VMP1: variants seen among roughly 807,000 people sequenced by gnomAD.
The protein encoded by VMP1 is vacuole membrane protein 1.
Under a neutral mutation model 56.0 loss-of-function variants are expected in VMP1, and 11 were observed. That is an observed-to-expected ratio of 0.20 (90% CI 0.12 to 0.32). VMP1 has a LOEUF of 0.32. Ranked by LOEUF, VMP1 falls within the 10% of genes least tolerant of loss-of-function variation. The probability of loss-of-function intolerance (pLI) is 1.00; values close to 1 mark genes in which losing one functional copy is unlikely to be tolerated. For missense variants in VMP1, 296 were observed against 490.3 expected (o/e 0.60, Z 3.74); for synonymous variants, 149 against 165.0 (o/e 0.90, Z 0.74).
At chr17:59,750,894 T>C (rs2035614490) in intron 5 of VMP1, among the ~76,000 whole-genome samples, 1 of 151,772 alleles carries the variant, frequency 6.6e-6, no homozygotes, top group African/African-American at 2.4e-5. Flanking sequence ...CAAAGAAGCT[T>C]CTGGGGCTGG....
intron 1 of VMP1, among the ~76,000 whole-genome samples, chr17:59,719,363 A>T (rs1243850638): frequency 6.6e-6 from 1 of 152,104 alleles, no homozygotes; most frequent in Non-Finnish European, 1.5e-5. Flanking sequence ...GAAAGCAAGA[A>T]AGGTTACTGA....
chr17:59,756,316 A>G (rs2035841535), intron 5 of VMP1, among the ~76,000 whole-genome samples: 1 of 152,162 alleles, frequency 6.6e-6, no homozygotes, highest in African/African-American at 2.4e-5. Flanking sequence ...ACCATTTTTC[A>G]TCTTTTTTTG....
chr17:59,733,107 G>C (rs906666915), intron 2 of VMP1, among the ~76,000 whole-genome samples: 1 of 151,966 alleles, frequency 6.6e-6, no homozygotes, highest in African/African-American at 2.4e-5. Context: ...TGAGAGTATC[G>C]ATTTAGCCCA....
intron 7 of VMP1, among the ~76,000 whole-genome samples, chr17:59,801,104 A>G (rs1268473077): frequency 3.1e-5 from 4 of 129,304 alleles, no homozygotes; most frequent in African/African-American, 1.5e-4. Context: ...ATATATATAT[A>G]TATATATATG....
intron 7 of VMP1, among the ~76,000 whole-genome samples, chr17:59,789,061 A>T (rs2665399): frequency 1.3e-5 from 2 of 150,536 alleles, no homozygotes; most frequent in African/African-American, 4.9e-5. Context: ...GAGGCCGAGG[A>T]GGGTGGATCA....
intron 7 of VMP1, among the ~76,000 whole-genome samples, chr17:59,781,211 C>A (rs1438607699): frequency 6.6e-6 from 1 of 152,098 alleles, no homozygotes; most frequent in Non-Finnish European, 1.5e-5. Flanking sequence ...TGCTTTCAAT[C>A]ATGAATTTGT....
At chr17:59,827,578 G>A (rs1254916347) in intron 10 of VMP1, among the ~76,000 whole-genome samples, 1 of 152,044 alleles carries the variant, frequency 6.6e-6, no homozygotes, top group African/African-American at 2.4e-5. Flanking sequence ...CAAAGTGCTG[G>A]GATTACAGGC....
At chr17:59,833,705 G>A (rs933724127) in intron 10 of VMP1, among the ~76,000 whole-genome samples, 1 of 152,122 alleles carries the variant, frequency 6.6e-6, no homozygotes, top group Non-Finnish European at 1.5e-5. Context: ...ATCAGCTAAA[G>A]TGTATCTCTT....
chr17:59,708,302 T>A (rs1598267260), intron 1 of VMP1, among the ~76,000 whole-genome samples: 1 of 152,206 alleles, frequency 6.6e-6, no homozygotes, highest in East Asian at 1.9e-4. Flanking sequence ...GATTTTTCAC[T>A]GCTTTAATGA....
At chr17:59,811,092 C>T (rs146720699) in intron 8 of VMP1, among the ~76,000 whole-genome samples, 110 of 152,126 alleles carry the variant, frequency 7.2e-4, no homozygotes, top group African/African-American at 2.3e-3. Context: ...CTTGGTCTCT[C>T]GTAAAATAAA....
chr17:59,839,801 T>C lies in VMP1; in HGVS notation c.1111T>C (p.Leu371=), dbSNP rs1481555327. Residue 371 remains leucine, a synonymous_variant, in exon 12 of 12, where the codon TTG becomes CTG. Transcript: ENST00000262291. The part of the protein sequence containing the change: ...ENWLSWMFEK[L]VVVMVCYFIL... ...CTGGTTGTCCTGGATGTTTGAAAAG[T>C]TGGTCGTTGTCATGGTGTGTTACTT... is the stretch of plus-strand genomic sequence containing the variant. The C allele has an allele frequency of 6.2e-6, 10 of 1,613,000 alleles. No homozygotes were observed. Among genetic ancestry groups the C allele is most frequent in the Non-Finnish European group, 7.6e-6 (9 of 1,179,814 alleles).
At chr17:59,797,828 A>C (rs2037498074) in intron 7 of VMP1, among the ~76,000 whole-genome samples, 1 of 152,244 alleles carries the variant, frequency 6.6e-6, no homozygotes. Flanking sequence ...GCAGTGAGCT[A>C]AGATCGCACC....
At chr17:59,759,109 A>G (rs1282345457) in intron 5 of VMP1, among the ~76,000 whole-genome samples, 1 of 152,144 alleles carries the variant, frequency 6.6e-6, no homozygotes, top group East Asian at 1.9e-4. Context: ...CAACAAAATT[A>G]GTTGGTTGTG....
intron 7 of VMP1, among the ~76,000 whole-genome samples, chr17:59,778,972 C>G (rs2144061168): frequency 6.6e-6 from 1 of 152,316 alleles, no homozygotes; most frequent in South Asian, 2.1e-4. Flanking sequence ...GGGTAAACGT[C>G]CATACTCTGC....
intron 5 of VMP1, among the ~76,000 whole-genome samples, chr17:59,747,439 T>G (rs1445060505): frequency 6.7e-6 from 1 of 148,918 alleles, no homozygotes; most frequent in Non-Finnish European, 1.5e-5. Flanking sequence ...AGATGGAATC[T>G]CACTCTGTTG....
chr17:59,724,532 C>A (rs564079918), intron 1 of VMP1, among the ~76,000 whole-genome samples: 2 of 151,996 alleles, frequency 1.3e-5, no homozygotes, highest in South Asian at 2.1e-4. Context: ...ATTAGCCTGT[C>A]GTGGTGGTGC....
At chr17:59,823,094 AGAAAG>A (rs1262077644) in intron 10 of VMP1, among the ~76,000 whole-genome samples, 1 of 152,072 alleles carries the variant, frequency 6.6e-6, no homozygotes, top group Non-Finnish European at 1.5e-5. Flanking sequence ...CTTGAAAAAA[AGAAAG>A]GAAGAAAGAA....
At chr17:59,757,615 C>T (rs529305124) in intron 5 of VMP1, among the ~76,000 whole-genome samples, 11 of 152,070 alleles carry the variant, frequency 7.2e-5, no homozygotes, top group South Asian at 2.1e-4. Flanking sequence ...TTTGCTCTCA[C>T]CCAGACATAC....
chr17:59,792,451 CAA>C (rs1314013201), intron 7 of VMP1, among the ~76,000 whole-genome samples: 1 of 152,144 alleles, frequency 6.6e-6, no homozygotes, highest in East Asian at 1.9e-4. Flanking sequence ...TTGCTTAAGT[CAA>C]GTTACCTCAC....
Sources: gnomAD v4.1 joint callset for allele counts (sites outside exome capture counted in the v4.1 genomes callset) on GRCh38, gnomAD v4.1.1 for gene constraint, MANE v1.5 for transcripts, NCBI Gene and HGNC (gene_info 2026-07-23, HGNC 2026-07-21) for gene names.